FBXO38: variants seen among roughly 807,000 people sequenced by gnomAD.
FBXO38 encodes the protein F-box protein 38.
FBXO38 carries 53 observed loss-of-function variants against 131.9 expected under a neutral mutation model. The observed-to-expected ratio is 0.40, with a 90% CI of 0.32 to 0.51. The LOEUF (loss-of-function observed/expected upper bound fraction) is 0.51, where lower values mean the gene tolerates loss of function less well. Among genes scored for constraint, FBXO38 ranks in the 20% least tolerant of loss-of-function variants. The pLI is 0.53. For missense variants in FBXO38, 1,076 were observed against 1,475.6 expected (o/e 0.73, Z 4.44); for synonymous variants, 452 against 505.6 (o/e 0.89, Z 1.42).
intron 7 of FBXO38, 94 bp from the exon 8 acceptor site, chr5:148,409,030 T>C (rs780504525): frequency 4.8e-5 from 32 of 667,636 alleles, no homozygotes; most frequent in African/African-American, 9.1e-5. Flanking sequence ...AAATCAGTAA[T>C]TATCATCTCA....
intron 18 of FBXO38, among the ~76,000 whole-genome samples, chr5:148,439,167 G>C (rs960359112): frequency 2.6e-5 from 4 of 152,142 alleles, no homozygotes; most frequent in African/African-American, 9.7e-5. Flanking sequence ...ATGGCCGAGT[G>C]AGATTTCATA....
At chr5:148,394,471 G>A (rs1299680523) in intron 1 of FBXO38, among the ~76,000 whole-genome samples, 4 of 151,996 alleles carry the variant, frequency 2.6e-5, no homozygotes, top group Non-Finnish European at 5.9e-5. Context: ...ATGATTCCTG[G>A]ATTTTTGCTC....
At chr5:148,417,602 A>G (rs1403975499) in intron 12 of FBXO38, among the ~76,000 whole-genome samples, 1 of 152,198 alleles carries the variant, frequency 6.6e-6, no homozygotes, top group East Asian at 1.9e-4. Context: ...AATACCAACC[A>G]TGGGCTAGAC....
At chr5:148,422,251 C>T (rs548692213) in intron 12 of FBXO38, among the ~76,000 whole-genome samples, 20 of 152,280 alleles carry the variant, frequency 1.3e-4, no homozygotes, top group Non-Finnish European at 2.6e-4. Flanking sequence ...AAATGCTGTA[C>T]GATCTGGCCT....
At chr5:148,384,223 C>CTT (rs1327167850) in intron 1 of FBXO38, among the ~76,000 whole-genome samples, 184 bp downstream of exon 1, 2 of 152,300 alleles carry the variant, frequency 1.3e-5, no homozygotes, top group East Asian at 3.9e-4. Flanking sequence ...AGTTCCTGGC[C>CTT]TTCTAGGCCG....
intron 1 of FBXO38, among the ~76,000 whole-genome samples, chr5:148,393,826 C>T (rs950864465): frequency 6.6e-6 from 1 of 152,126 alleles, no homozygotes; most frequent in Non-Finnish European, 1.5e-5. Flanking sequence ...CTATAAACTT[C>T]CCTATATCTG....
At chr5:148,440,588 C>A in intron 20 of FBXO38, 61 bp downstream of exon 20, 1 of 1,013,406 alleles carries the variant, frequency 9.9e-7, no homozygotes, top group Non-Finnish European at 1.5e-6. Context: ...CTCTGTAATC[C>A]CAGCGACTCA....
chr5:148,409,740 C>T (rs2113560329), intron 8 of FBXO38, among the ~76,000 whole-genome samples: 1 of 152,304 alleles, frequency 6.6e-6, no homozygotes, highest in Middle Eastern at 3.4e-3. Context: ...TCTACCTCCA[C>T]TTTTATTTTA....
At chr5:148,400,648 A>G (rs1223993507) in intron 3 of FBXO38, among the ~76,000 whole-genome samples, 1 of 152,140 alleles carries the variant, frequency 6.6e-6, no homozygotes, top group Non-Finnish European at 1.5e-5. Flanking sequence ...TTTATATAAT[A>G]GTACTTTATG....
Position 148,430,776 on chromosome 5 carries a change from T to C in FBXO38, c.2654-2648T>C, listed in dbSNP as rs533780468. On this transcript the variant is annotated intron_variant, in intron 15 of 21. Coordinates refer to ENST00000340253, the MANE Select transcript of FBXO38 (RefSeq NM_205836.3). ...GTTTTTAATTTATGGCCCTGTGGAG[T>C]GTTAAAGCCATTTTAGAAGCTAATA... 5 of 152,252 alleles carry C rather than the reference T, an allele frequency of 3.3e-5. No homozygotes were observed. The South Asian group carries it at 8.3e-4, about 25-fold the overall frequency. 9.4% of individuals were successfully genotyped at this position (152,252 alleles called of 1,614,324 possible). A position where few individuals can be genotyped will look rare whatever the true frequency, so the allele number is the denominator to read the frequency against.
At chr5:148,433,824 T>C (rs1199578197) in intron 17 of FBXO38, 87 bp downstream of exon 17, 1 of 662,386 alleles carries the variant, frequency 1.5e-6, no homozygotes, top group East Asian at 2.8e-5. Context: ...AGCATTACTG[T>C]CTTATTTTCT....
chr5:148,438,621 A>G (rs1392628807), intron 18 of FBXO38, 123 bp downstream of exon 18: 1 of 1,045,674 alleles, frequency 9.6e-7, no homozygotes, highest in African/African-American at 1.6e-5. Flanking sequence ...CAGTAATGAT[A>G]TTTTAGTTTT....
In FBXO38 at chr5:148,437,883, A is replaced by G. The variant is rs116739546; in HGVS notation, c.2858-449A>G. Among the ~76,000 whole-genome samples the G allele has an allele frequency of 9.2e-3, 1,398 of 151,898 alleles. 22 individuals are homozygous for G. The highest frequency in any genetic ancestry group is 0.032 in the African/African-American group (1,334 of 41,422). On this transcript the variant is annotated intron_variant, in intron 17 of 21. Coordinates refer to ENST00000340253, the MANE Select transcript of FBXO38 (RefSeq NM_205836.3). ...GAATAGCTTTAGACCAAAGTATCCA[A>G]ATGTGTTTCTGGGTCTTTTTTTTCA...
In FBXO38 at chr5:148,427,834, G is replaced by T. The variant is rs200535006; in HGVS notation, c.2540G>T (p.Arg847Met). 217 of 1,602,792 alleles carry T rather than the reference G, an allele frequency of 1.4e-4. No individual in the cohort carries two copies. The highest frequency in any genetic ancestry group is 1.8e-4 in the Non-Finnish European group (208 of 1,174,876). Residue 847 changes from arginine (R) to methionine (M), a missense_variant, in exon 15 of 22, where the codon AGG becomes ATG. Arg to Met is a moderately conservative substitution (Grantham distance 91, BLOSUM62 -1). Transcript: ENST00000340253. The part of the protein sequence containing the change: ...SGSGATGEDR[R>M]GSSQPESCDV... ...TCTGGGGCTACAGGTGAGGACAGGAGGGGGAGCTCCCAGCCTGAGAGTTGT... is the reference window on the plus strand; with the variant it reads ...TCTGGGGCTACAGGTGAGGACAGGATGGGGAGCTCCCAGCCTGAGAGTTGT...
chr5:148,388,760 T>C (rs1248175842), intron 1 of FBXO38, among the ~76,000 whole-genome samples: 8 of 152,228 alleles, frequency 5.3e-5, no homozygotes, highest in African/African-American at 1.9e-4. Context: ...TCCATAAAAC[T>C]CAGACTTTGT....
At position 148,427,763 on chromosome 5, in the gene FBXO38, G is replaced by A; in HGVS notation, c.2469G>A (p.Gly823=). 1.2e-6 allele frequency: 2 copies of A among 1,612,238 alleles called. No individual in the cohort carries two copies. The highest frequency in any genetic ancestry group is 2.2e-5 in the East Asian group (1 of 44,870). The change falls in exon 15 of 22, where the codon GGG becomes GGA. Residue 823 remains glycine (G), a synonymous_variant. Transcript: ENST00000340253. ...TTTCCTTTAGGACTCTGCCACAAGG[G>A]GGGTCTTCAGGCCCAGCACATGATG... ...SAFSFRTLPQ[G]GSSGPAHDER...
intron 6 of FBXO38, among the ~76,000 whole-genome samples, chr5:148,405,651 A>G (rs10477376): frequency 0.25 from 38,157 of 152,040 alleles, 4,836 homozygotes; most frequent in South Asian, 0.29. Flanking sequence ...ATGCTGTATT[A>G]TTGTTTCGTT....
intron 13 of FBXO38, 151 bp downstream of exon 13, chr5:148,424,268 G>T: frequency 1.3e-6 from 1 of 777,690 alleles, no homozygotes; most frequent in Non-Finnish European, 2.0e-6. Context: ...ATACATTGCT[G>T]GTATTCTTGT....
chr5:148,387,525 C>T (rs1757974877), intron 1 of FBXO38, among the ~76,000 whole-genome samples: 1 of 152,104 alleles, frequency 6.6e-6, no homozygotes, highest in African/African-American at 2.4e-5. Context: ...GGACTGGATT[C>T]CAAACTCTTG....
Sources: gnomAD v4.1 joint callset for allele counts (sites outside exome capture counted in the v4.1 genomes callset) on GRCh38, gnomAD v4.1.1 for gene constraint, MANE v1.5 for transcripts, NCBI Gene and HGNC (gene_info 2026-07-23, HGNC 2026-07-21) for gene names.